RP1: variants seen among roughly 807,000 people sequenced by gnomAD.
RP1 encodes the protein RP1 axonemal microtubule associated, also known as oxygen-regulated protein 1.
A neutral mutation model predicts 14.8 loss-of-function variants in RP1; 16 were observed. The observed-to-expected ratio is 1.08, with a 90% CI of 0.73 to 1.65. The LOEUF (loss-of-function observed/expected upper bound fraction) is 1.65. Ranked by LOEUF, RP1 falls within the 40% of genes most tolerant of loss-of-function variation. The pLI is 0.00. For synonymous variants in RP1, 876 were observed against 883.6 expected, an observed-to-expected ratio of 0.99 and a Z score of 0.15; for missense variants, 2,631 against 2,535.0, an observed-to-expected ratio of 1.04 and a Z score of -0.81.
At chr8:54,710,644 T>G (rs564234027) in intron 15 of RP1, among the ~76,000 whole-genome samples, 199 of 152,232 alleles carry the variant, frequency 1.3e-3, no homozygotes, top group African/African-American at 4.6e-3. Flanking sequence ...TATTGAGCAA[T>G]GAAAGTCGCT....
At chr8:54,604,487 G>T (rs1805376721) in intron 1 of RP1, among the ~76,000 whole-genome samples, 1 of 152,124 alleles carries the variant, frequency 6.6e-6, no homozygotes, top group South Asian at 2.1e-4. Flanking sequence ...AGGGATATCG[G>T]TCTAAAATTC....
intron 12 of RP1, among the ~76,000 whole-genome samples, chr8:54,694,613 G>T (rs2129340885): frequency 6.6e-6 from 1 of 152,294 alleles, no homozygotes; most frequent in East Asian, 1.9e-4. Flanking sequence ...GCGTAGAGGT[G>T]TTTGTAGTAT....
At chr8:54,761,792 A>G (rs1809646469) in intron 22 of RP1, among the ~76,000 whole-genome samples, 1 of 152,196 alleles carries the variant, frequency 6.6e-6, no homozygotes, top group South Asian at 2.1e-4. Context: ...TGAAGAAAGT[A>G]AGTTGCAAAA....
chr8:54,684,004 T>G (rs1334643547), intron 12 of RP1, among the ~76,000 whole-genome samples: 1 of 151,560 alleles, frequency 6.6e-6, no homozygotes, highest in Non-Finnish European at 1.5e-5. Flanking sequence ...AGTTTTTTTT[T>G]TTTTTTTTTA....
rs536551471 is a variant in RP1, at chr8:54,857,657, C to T, written c.4069+551C>T. On this transcript the variant is annotated intron_variant, in intron 27 of 28. Transcript: ENST00000637698. ...TGGTGTGTGCATGCATGTGTGCATG[C>T]GTGTGTGTGATCTCCAGACACCCTG... Among the ~76,000 whole-genome samples, 6 of 152,140 alleles carry T rather than the reference C, an allele frequency of 3.9e-5. No homozygotes were observed. In the East Asian group the frequency reaches 5.8e-4, roughly 15 times the overall value.
chr8:54,561,059 G>A (rs1380414034), intron 1 of RP1: 2 of 151,642 alleles, frequency 1.3e-5, no homozygotes, highest in Non-Finnish European at 2.9e-5. Flanking sequence ...GTGTAAATGG[G>A]TGGAAGTGGG....
intron 15 of RP1, among the ~76,000 whole-genome samples, chr8:54,715,845 C>T (rs955602149): frequency 3.9e-5 from 6 of 152,164 alleles, no homozygotes; most frequent in African/African-American, 1.4e-4. Flanking sequence ...CTAAGACATG[C>T]TCCCTGCTCT....
At chr8:54,637,133 C>T (rs978558002) in intron 3 of RP1, among the ~76,000 whole-genome samples, 2 of 152,218 alleles carry the variant, frequency 1.3e-5, no homozygotes, top group South Asian at 4.2e-4. Context: ...ATGCCCTGTT[C>T]GGTATCCTGC....
chr8:54,814,192 T>G (rs1811079594), intron 24 of RP1, among the ~76,000 whole-genome samples: 1 of 152,194 alleles, frequency 6.6e-6, no homozygotes, highest in Non-Finnish European at 1.5e-5. Context: ...ATTTGGTTAG[T>G]TTTAAGTAAA....
intron 12 of RP1, among the ~76,000 whole-genome samples, chr8:54,692,755 C>T (rs1284405285): frequency 6.7e-6 from 1 of 150,132 alleles, no homozygotes; most frequent in Non-Finnish European, 1.5e-5. Flanking sequence ...AATTTTCTCC[C>T]ATTCTGTAGG....
chr8:54,652,856 A>G (rs1403166005), exon 5 of RP1: 5 of 1,534,834 alleles, frequency 3.3e-6, no homozygotes, highest in Non-Finnish European at 4.4e-6. Flanking sequence ...CCTTCCTGGC[A>G]CTGCAAGGAG....
chr8:54,744,167 G>A (rs1209366906), intron 19 of RP1, among the ~76,000 whole-genome samples: 1 of 152,214 alleles, frequency 6.6e-6, no homozygotes, highest in African/African-American at 2.4e-5. Context: ...GGCATTTGGG[G>A]TTTGATTTAG....
chr8:54,580,773 C>G (rs1804771737), intron 1 of RP1, among the ~76,000 whole-genome samples: 1 of 152,018 alleles, frequency 6.6e-6, no homozygotes, highest in African/African-American at 2.4e-5. Flanking sequence ...CCTGTGCCAC[C>G]ATGCCCAGCT....
intron 4 of RP1, among the ~76,000 whole-genome samples, chr8:54,650,124 G>A (rs1311055699): frequency 1.1e-4 from 17 of 152,086 alleles, no homozygotes; most frequent in Non-Finnish European, 2.4e-4. Flanking sequence ...TTTCAATTCT[G>A]TAATAAGAAA....
intron 12 of RP1, among the ~76,000 whole-genome samples, chr8:54,681,320 C>T (rs1324046946): frequency 1.3e-5 from 2 of 152,078 alleles, no homozygotes; most frequent in Non-Finnish European, 1.5e-5. Flanking sequence ...TCAAGTACAC[C>T]AGCTAGAGCA....
intron 17 of RP1, among the ~76,000 whole-genome samples, chr8:54,728,982 G>A (rs912494053): frequency 3.9e-5 from 6 of 151,982 alleles, no homozygotes; most frequent in Admixed American, 1.3e-4. Flanking sequence ...GCAAATATAA[G>A]ACACCATATT....
rs759385909 is a variant in RP1 at position 54,621,343 on chromosome 8, C to T, written c.377C>T (p.Pro126Leu). 7 of 1,611,734 alleles carry T rather than the reference C, an allele frequency of 4.3e-6. No individual in the cohort carries two copies. In the East Asian group the frequency reaches 1.6e-4, roughly 36 times the overall value. The change falls in exon 2 of 4, where the codon CCC (proline) becomes CTC (leucine). Residue 126 changes from proline to leucine, a missense_variant. Transcript: ENST00000220676. ...DLDKARRRPR[P>L]WLSSRAISAH... ...GACAAAGCCCGTCGGCGCCCGCGGC[C>T]CTGGCTCAGCAGCCGGGCCATTAGC... is the stretch of plus-strand genomic sequence containing the variant.
intron 15 of RP1, among the ~76,000 whole-genome samples, chr8:54,710,614 A>T (rs1346717115): frequency 2.0e-5 from 3 of 152,172 alleles, no homozygotes; most frequent in African/African-American, 4.8e-5. Flanking sequence ...AAATTGAAGG[A>T]TGGTGAATGT....
At chr8:54,741,355 A>G (rs562976807) in intron 19 of RP1, among the ~76,000 whole-genome samples, 106 of 152,118 alleles carry the variant, frequency 7.0e-4, no homozygotes, top group Non-Finnish European at 1.3e-3. Context: ...TGCCCTATAC[A>G]AGTGTACCAT....
Sources: gnomAD v4.1 joint callset for allele counts (sites outside exome capture counted in the v4.1 genomes callset) on GRCh38, gnomAD v4.1.1 for gene constraint, MANE v1.5 for transcripts, NCBI Gene and HGNC (gene_info 2026-07-23, HGNC 2026-07-21) for gene names.